HSBP1: variants seen among roughly 807,000 people sequenced by gnomAD.
HSBP1 encodes heat shock factor-binding protein 1.
In HSBP1, 5 loss-of-function variants were observed where a neutral mutation model predicts 9.6. The ratio of observed to expected loss-of-function variants is 0.52; its 90% CI spans 0.27 to 1.09. The LOEUF (loss-of-function observed/expected upper bound fraction) is 1.09. HSBP1 is among the 50% of genes least tolerant of loss of function. The pLI, the probability that HSBP1 is intolerant of heterozygous loss-of-function variation, is 0.11. For synonymous variants in HSBP1, 42 were observed against 33.3 expected (o/e 1.26, Z -0.90); for missense variants, 121 against 96.3 (o/e 1.26, Z -1.07).
In HSBP1 at chr16:83,812,703, G is replaced by A. The variant is rs915906479; in HGVS notation, c.*1285G>A. 6.6e-6 allele frequency: 1 copy of A among 152,178 alleles called. No homozygotes were observed. The allele number at this position is 152,178 out of a possible 1,614,324, so 9.4% of individuals were successfully genotyped here. On this transcript the variant is annotated 3_prime_UTR_variant, in exon 4 of 4. Transcript: ENST00000433866. ...GTGATAAAATGAATTCACCACTCTG[G>A]TTACCCAACTACAGAACCTCCTTTG... is the stretch of plus-strand genomic sequence containing the variant.
Position 83,808,664 on chromosome 16 carries a change from T to C in HSBP1, c.46-16T>C. The stretch of plus-strand genomic sequence containing the variant: ...GATCGATGTGGACCGTGTTTGTTTG[T>C]TTCGGTTTTTCTTAGGTGCAGACAC... On this transcript the variant is annotated splice_polypyrimidine_tract_variant and intron_variant, in intron 1 of 3. Coordinates refer to ENST00000433866, the MANE Select transcript of HSBP1 (RefSeq NM_001537.4). 1 of 1,605,520 alleles carries C rather than the reference T, an allele frequency of 6.2e-7. No homozygotes were observed. The highest frequency in any genetic ancestry group is 1.3e-5 in the African/African-American group (1 of 74,892).
At chr16:83,808,295 G>C in intron 1 of HSBP1, 174 bp downstream of exon 1, 2 of 601,192 alleles carry the variant, frequency 3.3e-6, no homozygotes, top group Non-Finnish European at 5.7e-6. Flanking sequence ...GGCGCTCGGT[G>C]CGGGCCAGTC....
Position 83,815,683 on chromosome 16 carries a change from G to C in HSBP1, c.*4265G>C, listed in dbSNP as rs547284374. On this transcript the variant is annotated 3_prime_UTR_variant, in exon 4 of 4. Coordinates refer to ENST00000433866, the MANE Select transcript of HSBP1 (RefSeq NM_001537.4). ...GAATGATGAAATGTAATATGTGGCTGTCTCATCAACAGAGCTTCATTTTAC... is the reference window on the plus strand; with the variant it reads ...GAATGATGAAATGTAATATGTGGCTCTCTCATCAACAGAGCTTCATTTTAC... 6.6e-6 allele frequency: 1 copy of C among 152,220 alleles called. No homozygotes were observed. Among genetic ancestry groups the C allele is most frequent in the South Asian group, 2.1e-4 (1 of 4,824 alleles). The allele number at this position is 152,220 out of a possible 1,614,324, so 9.4% of individuals were successfully genotyped here. A position where few individuals can be genotyped will look rare whatever the true frequency, so the allele number is the denominator to read the frequency against.
At position 83,817,512 on chromosome 16, in the gene HSBP1, C is replaced by T. The variant is rs1904748605; in HGVS notation, c.*6094C>T. 1 of 152,228 alleles carries T rather than the reference C, an allele frequency of 6.6e-6. No individual in the cohort carries two copies. The highest frequency in any genetic ancestry group is 1.5e-5 in the Non-Finnish European group (1 of 68,046). 9.4% of individuals were successfully genotyped at this position (152,228 alleles called of 1,614,324 possible). ...CTCAGAGGCTCTCGAAAGCTGTTGACATTATCAAAAAGTTTTCCAGCTGGA... is the reference window on the plus strand; with the variant it reads ...CTCAGAGGCTCTCGAAAGCTGTTGATATTATCAAAAAGTTTTCCAGCTGGA... On this transcript the variant is annotated 3_prime_UTR_variant, in exon 4 of 4. Coordinates refer to ENST00000433866, the MANE Select transcript of HSBP1 (RefSeq NM_001537.4).
rs746472856 is a variant in HSBP1 at position 83,809,470 on chromosome 16, T to A, written c.*2+45T>A. The A allele has an allele frequency of 8.4e-6, 8 of 956,282 alleles. No homozygotes were observed. The Admixed American group carries it at 2.4e-4, about 29-fold the overall frequency. 59.2% of individuals were successfully genotyped at this position (956,282 alleles called of 1,614,324 possible). On this transcript the variant is annotated intron_variant, in intron 3 of 3. Transcript: ENST00000433866. Reference sequence around the variant, plus strand: ...TTTTTTTCTTTTCTTTTCTTTTTTTTTTTTTTTTTTTTTTTGACACGGAGT... The same window carrying A: ...TTTTTTTCTTTTCTTTTCTTTTTTTATTTTTTTTTTTTTTTGACACGGAGT...
chr16:83,815,062 C>T lies in HSBP1; in HGVS notation c.*3644C>T, dbSNP rs573887593. 1 of 151,922 alleles carries T rather than the reference C, an allele frequency of 6.6e-6. No homozygotes were observed. The highest frequency in any genetic ancestry group is 1.5e-5 in the Non-Finnish European group (1 of 68,014). The allele number at this position is 151,922 out of a possible 1,614,324, so 9.4% of individuals were successfully genotyped here. A position where few individuals can be genotyped will look rare whatever the true frequency, so the allele number is the denominator to read the frequency against. On this transcript the variant is annotated 3_prime_UTR_variant, in exon 4 of 4. Coordinates refer to ENST00000433866, the MANE Select transcript of HSBP1 (RefSeq NM_001537.4). ...TGCAACGAAGACTTTTAAATGGACT[C>T]ATGAAGAAGCCATCACCTGGAATCT... is the stretch of plus-strand genomic sequence containing the variant.
intron 3 of HSBP1, 53 bp from the exon 4 acceptor site, chr16:83,811,368 T>C (rs1162052891): frequency 2.0e-5 from 3 of 152,272 alleles, no homozygotes; most frequent in Non-Finnish European, 4.4e-5. Flanking sequence ...ATGTCATTTT[T>C]ACTTGTGCTC....
chr16:83,817,723 AT>A lies in HSBP1; in HGVS notation c.*6306del, dbSNP rs1366382307. 6.6e-6 allele frequency: 1 copy of A among 152,240 alleles called. No homozygotes were observed. The highest frequency in any genetic ancestry group is 6.5e-5 in the Admixed American group (1 of 15,286). 9.4% of individuals were successfully genotyped at this position (152,240 alleles called of 1,614,324 possible). ...AATATGCAGTTAATTTTGATGGGCTATGGATAATCATCAGAAGAGCCATTTC... is the reference window on the plus strand; with the variant it reads ...AATATGCAGTTAATTTTGATGGGCTAGGATAATCATCAGAAGAGCCATTTC... On this transcript the variant is annotated 3_prime_UTR_variant, in exon 4 of 4. Transcript: ENST00000433866.
rs1485230706 is a variant in HSBP1 at position 83,808,752 on chromosome 16, C to A, written c.112+6C>A. Reference sequence around the variant, plus strand: ...TGACCAGATCATTGGGAGAAATATCCTTTTTATCTGCAGTCGGCCTCCTGT... The same window carrying A: ...TGACCAGATCATTGGGAGAAATATCATTTTTATCTGCAGTCGGCCTCCTGT... On this transcript the variant is annotated splice_donor_region_variant and intron_variant, in intron 2 of 3. Transcript: ENST00000433866. The A allele has an allele frequency of 6.2e-7, 1 of 1,605,214 alleles. No homozygotes were observed. Among genetic ancestry groups the A allele is most frequent in the African/African-American group, 1.3e-5 (1 of 74,802 alleles).
rs374461963 is a variant in HSBP1 at position 83,808,118 on chromosome 16, G to T, written c.42G>T (p.Ser14=). The part of the protein sequence containing the change: ...TDPKTVQDLT[S]VVQTLLQQMQ... ...CCAAGACCGTGCAGGACCTCACCTC[G>T]GTGGTAAGGGACGGCTGTGAGGGCC... The change falls in exon 1 of 4, where the codon TCG becomes TCT. Residue 14 remains serine, a synonymous_variant. Coordinates refer to ENST00000433866, the MANE Select transcript of HSBP1 (RefSeq NM_001537.4). 6.5e-7 allele frequency: 1 copy of T among 1,546,540 alleles called. No homozygotes were observed. Among genetic ancestry groups the T allele is most frequent in the Non-Finnish European group, 8.7e-7 (1 of 1,144,688 alleles).
Position 83,813,907 on chromosome 16 carries a change from C to G in HSBP1, c.*2489C>G, listed in dbSNP as rs911133200. 1 of 152,094 alleles carries G rather than the reference C, an allele frequency of 6.6e-6. No homozygotes were observed. The highest frequency in any genetic ancestry group is 2.4e-5 in the African/African-American group (1 of 41,396). The allele number at this position is 152,094 out of a possible 1,614,324, so 9.4% of individuals were successfully genotyped here. ...TTCTTTGTTTCACTACAAGTACAGT[C>G]ATTGTTTAACCCTATCAGGACTAAC... is the stretch of plus-strand genomic sequence containing the variant. On this transcript the variant is annotated 3_prime_UTR_variant, in exon 4 of 4. Coordinates refer to ENST00000433866, the MANE Select transcript of HSBP1 (RefSeq NM_001537.4).
chr16:83,809,350 C>T lies in HSBP1; in HGVS notation c.158C>T (p.Ala53Val), dbSNP rs1802384. 8 of 1,603,168 alleles carry T rather than the reference C, an allele frequency of 5.0e-6. No homozygotes were observed. Among genetic ancestry groups the T allele is most frequent in the South Asian group, 1.1e-5 (1 of 88,652 alleles). Residue 53 changes from alanine to valine, a missense_variant, in exon 3 of 4, where the codon GCG becomes GTG. Coordinates refer to ENST00000433866, the MANE Select transcript of HSBP1 (RefSeq NM_001537.4). ...ATTGATGATCTGGAAAAGAATATCG[C>T]GGACCTCATGACACAGGCTGGGGTG... ...SRIDDLEKNI[A>V]DLMTQAGVEE... is the part of the protein sequence containing the mutation.
chr16:83,817,823 C>A lies in HSBP1; in HGVS notation c.*6405C>A, dbSNP rs60074393. The A allele has an allele frequency of 0.16, 24,587 of 152,184 alleles. 2,051 individuals carry two copies. The highest frequency in any genetic ancestry group is 0.19 in the Middle Eastern group (55 of 294). 9.4% of individuals were successfully genotyped at this position (152,184 alleles called of 1,614,324 possible). The stretch of plus-strand genomic sequence containing the variant: ...AAAACATAAGACCATTTGACTGATT[C>A]TGCTCCAGAATCTTATTGAGGCAAA... On this transcript the variant is annotated 3_prime_UTR_variant, in exon 4 of 4. Coordinates refer to ENST00000433866, the MANE Select transcript of HSBP1 (RefSeq NM_001537.4).
chr16:83,814,937 C>G lies in HSBP1; in HGVS notation c.*3519C>G, dbSNP rs562209504. On this transcript the variant is annotated 3_prime_UTR_variant, in exon 4 of 4. Transcript: ENST00000433866. ...ACAAAAATTATTGCTTGAGGCCCAA[C>G]CCGGGGGATAAAAAGACACCCCCCC... 1.2e-3 allele frequency: 174 copies of G among 147,442 alleles called. 2 individuals carry two copies. Among genetic ancestry groups the G allele is most frequent in the African/African-American group, 4.0e-3 (164 of 40,632 alleles). The allele number at this position is 147,442 out of a possible 1,614,324, so 9.1% of individuals were successfully genotyped here.
Position 83,818,010 on chromosome 16 carries a change from G to T in HSBP1, c.*6592G>T, listed in dbSNP as rs1267452734. 6.6e-6 allele frequency: 1 copy of T among 152,176 alleles called. No homozygotes were observed. Among genetic ancestry groups the T allele is most frequent in the East Asian group, 1.9e-4 (1 of 5,192 alleles). The allele number at this position is 152,176 out of a possible 1,614,324, so 9.4% of individuals were successfully genotyped here. A position where few individuals can be genotyped will look rare whatever the true frequency, so the allele number is the denominator to read the frequency against. ...TCAATTAGAACCTGTGTTCGCTGGGGCCATAATTAAGAATCTTAAAGGGAA... is the reference window on the plus strand; with the variant it reads ...TCAATTAGAACCTGTGTTCGCTGGGTCCATAATTAAGAATCTTAAAGGGAA... On this transcript the variant is annotated 3_prime_UTR_variant, in exon 4 of 4. Coordinates refer to ENST00000433866, the MANE Select transcript of HSBP1 (RefSeq NM_001537.4).
Position 83,814,487 on chromosome 16 carries a change from T to G in HSBP1, c.*3069T>G, listed in dbSNP as rs997981940. 3.3e-5 allele frequency: 5 copies of G among 152,336 alleles called. No homozygotes were observed. Among genetic ancestry groups the G allele is most frequent in the African/African-American group, 1.2e-4 (5 of 41,376 alleles). The allele number at this position is 152,336 out of a possible 1,614,324, so 9.4% of individuals were successfully genotyped here. ...TCTCACAGCTGCACACCTGCACCGC[T>G]CACGAGCACAGCTGACCGTCTCACA... On this transcript the variant is annotated 3_prime_UTR_variant, in exon 4 of 4. Coordinates refer to ENST00000433866, the MANE Select transcript of HSBP1 (RefSeq NM_001537.4).
rs771902698 is a variant in HSBP1 at position 83,815,082 on chromosome 16, G to C, written c.*3664G>C. On this transcript the variant is annotated 3_prime_UTR_variant, in exon 4 of 4. Coordinates refer to ENST00000433866, the MANE Select transcript of HSBP1 (RefSeq NM_001537.4). The stretch of plus-strand genomic sequence containing the variant: ...GGACTCATGAAGAAGCCATCACCTG[G>C]AATCTTAATCTTGCATTAATTTTAA... The C allele has an allele frequency of 1.3e-5, 2 of 152,008 alleles. No individual in the cohort carries two copies. The highest frequency in any genetic ancestry group is 2.9e-5 in the Non-Finnish European group (2 of 68,008). The allele number at this position is 152,008 out of a possible 1,614,324, so 9.4% of individuals were successfully genotyped here.
In HSBP1 at chr16:83,814,587, T is replaced by G. The variant is rs1375052863; in HGVS notation, c.*3169T>G. On this transcript the variant is annotated 3_prime_UTR_variant, in exon 4 of 4. Transcript: ENST00000433866. ...TGTGAGCTGAGCTCCGAATCTCAGC[T>G]GTCCAGGCTGTCTGGAAATCATCAG... The G allele has an allele frequency of 6.6e-6, 1 of 152,278 alleles. No individual in the cohort carries two copies. The highest frequency in any genetic ancestry group is 1.5e-5 in the Non-Finnish European group (1 of 68,054). 9.4% of individuals were successfully genotyped at this position (152,278 alleles called of 1,614,324 possible). A position where few individuals can be genotyped will look rare whatever the true frequency, so the allele number is the denominator to read the frequency against.
rs1037582175 is a variant in HSBP1, at chr16:83,809,435, G to A, written c.*2+10G>A. 1.5e-5 allele frequency: 20 copies of A among 1,365,312 alleles called. 1 individual carries two copies. The highest frequency in any genetic ancestry group is 4.5e-4 in the Middle Eastern group (2 of 4,420). The allele number at this position is 1,365,312 out of a possible 1,614,324, so 84.6% of individuals were successfully genotyped here. A position where few individuals can be genotyped will look rare whatever the true frequency, so the allele number is the denominator to read the frequency against. ...CGCAAAAGAGTTGAAGGTGAGGAAGGGGGCAATTTTTTTTTTCTTTTCTTT... is the reference window on the plus strand; with the variant it reads ...CGCAAAAGAGTTGAAGGTGAGGAAGAGGGCAATTTTTTTTTTCTTTTCTTT... On this transcript the variant is annotated intron_variant, in intron 3 of 3. Coordinates refer to ENST00000433866, the MANE Select transcript of HSBP1 (RefSeq NM_001537.4).
Sources: gnomAD v4.1 joint callset for allele counts on GRCh38, gnomAD v4.1.1 for gene constraint, MANE v1.5 for transcripts, NCBI Gene and HGNC (gene_info 2026-07-23, HGNC 2026-07-21) for gene names.